The following ARID2 variants were observed in gnomAD, a reference collection of about 807,000 sequenced individuals.
ARID2 encodes the protein AT-rich interaction domain 2, also known as AT-rich interactive domain-containing protein 2.
ARID2 carries 32 observed loss-of-function variants against 184.6 expected under a neutral mutation model. The observed-to-expected ratio is 0.17, with a 90% CI of 0.13 to 0.23. The LOEUF (loss-of-function observed/expected upper bound fraction) is 0.23. Ranked by LOEUF, ARID2 falls within the 10% of genes least tolerant of loss-of-function variation. The probability of loss-of-function intolerance (pLI) is 1.00; values close to 1 mark genes in which losing one functional copy is unlikely to be tolerated. For missense variants in ARID2, 1,696 were observed against 2,197.6 expected, an observed-to-expected ratio of 0.77 and a Z score of 4.56; for synonymous variants, 836 against 772.6, an observed-to-expected ratio of 1.08 and a Z score of -1.36.
intron 3 of ARID2, among the ~76,000 whole-genome samples, chr12:45,806,723 A>G (rs1292117898): frequency 6.6e-6 from 1 of 152,050 alleles, no homozygotes; most frequent in Non-Finnish European, 1.5e-5. Context: ...TTTCCAAGCT[A>G]CTGTACTGGA....
At chr12:45,887,780 G>A (rs974367258) in intron 16 of ARID2, among the ~76,000 whole-genome samples, 2 of 152,132 alleles carry the variant, frequency 1.3e-5, no homozygotes, top group Non-Finnish European at 2.9e-5. Context: ...GCTCCACCCC[G>A]TCCTTCCAGT....
In ARID2 at chr12:45,860,835, T is replaced by C. The variant is rs934253891; in HGVS notation, c.4808T>C (p.Val1603Ala). The C allele has an allele frequency of 1.2e-6, 2 of 1,606,472 alleles. No individual in the cohort carries two copies. Among genetic ancestry groups the C allele is most frequent in the African/African-American group, 1.3e-5 (1 of 74,676 alleles). Residue 1603 changes from valine to alanine, a missense_variant, in exon 16 of 21, where the codon GTG (valine) becomes GCG (alanine). By Grantham distance (64) the Val-to-Ala change is moderately conservative. Coordinates refer to ENST00000334344, the MANE Select transcript of ARID2 (RefSeq NM_152641.4). ...ATGCCACCTTCACCAGCTGTACAAG[T>C]GCAGGGCCAGCCTAACAGTTCTCAG... Reference protein sequence around the residue: ...TPMPPSPAVQVQGQPNSSQPS... With the variant: ...TPMPPSPAVQAQGQPNSSQPS...
rs138359430 is a variant in ARID2 at position 45,880,996 on chromosome 12, T to C, written c.4923-10784T>C. The C allele has an allele frequency of 1.6e-3, 318 of 195,916 alleles. 1 individual carries two copies. Among genetic ancestry groups the C allele is most frequent in the Non-Finnish European group, 3.0e-3 (277 of 91,494 alleles). 12.1% of individuals were successfully genotyped at this position (195,916 alleles called of 1,614,324 possible). On this transcript the variant is annotated intron_variant, in intron 16 of 20. Transcript: ENST00000334344. ...AATATAAAAGATTTTGTTTGAGGCATTGGAGAAGCCAAAGCCTGCTCCTAG... is the reference window on the plus strand; with the variant it reads ...AATATAAAAGATTTTGTTTGAGGCACTGGAGAAGCCAAAGCCTGCTCCTAG...
At chr12:45,865,701 G>A (rs1943820607) in intron 16 of ARID2, among the ~76,000 whole-genome samples, 1 of 151,946 alleles carries the variant, frequency 6.6e-6, no homozygotes, top group Admixed American at 6.6e-5. Context: ...TCAGTAATCT[G>A]GTCTTAAGGA....
chr12:45,822,910 A>T (rs1267291801), intron 6 of ARID2, among the ~76,000 whole-genome samples: 2 of 152,226 alleles, frequency 1.3e-5, no homozygotes, highest in Non-Finnish European at 2.9e-5. Context: ...TGGACAGATC[A>T]TCTAGATAGA....
chr12:45,869,246 A>T (rs560850117), intron 16 of ARID2, among the ~76,000 whole-genome samples: 1 of 152,142 alleles, frequency 6.6e-6, no homozygotes, highest in African/African-American at 2.4e-5. Context: ...CGAACTCCTG[A>T]GCTCGTGATC....
At chr12:45,882,394 A>G (rs1944120750) in intron 16 of ARID2, 1 of 152,230 alleles carries the variant, frequency 6.6e-6, no homozygotes, top group African/African-American at 2.4e-5. Flanking sequence ...ATAGAAAATT[A>G]CTGAAAACAA....
At chr12:45,864,836 G>A (rs986785605) in intron 16 of ARID2, among the ~76,000 whole-genome samples, 8 of 152,020 alleles carry the variant, frequency 5.3e-5, no homozygotes, top group Non-Finnish European at 1.0e-4. Context: ...TGCCTTCTTT[G>A]AGGAATAGTT....
chr12:45,828,670 A>G (rs1943050480), intron 6 of ARID2, among the ~76,000 whole-genome samples: 2 of 151,984 alleles, frequency 1.3e-5, no homozygotes, highest in African/African-American at 4.8e-5. Flanking sequence ...GTGAGTGTGC[A>G]TTGTTACTGT....
intron 20 of ARID2, among the ~76,000 whole-genome samples, chr12:45,900,846 G>C (rs561354809): frequency 6.6e-6 from 1 of 152,128 alleles, no homozygotes; most frequent in Non-Finnish European, 1.5e-5. Context: ...TCTAGCACCA[G>C]CTTTGCTGTT....
chr12:45,761,734 T>C (rs1467452372), intron 3 of ARID2, among the ~76,000 whole-genome samples: 2 of 152,102 alleles, frequency 1.3e-5, no homozygotes, highest in African/African-American at 4.8e-5. Flanking sequence ...TCCTTAGCAC[T>C]TTAAGCCATT....
Position 45,837,535 on chromosome 12 carries a change from T to C in ARID2, c.1158T>C (p.Asp386=), listed in dbSNP as rs186735400. 1.2e-6 allele frequency: 2 copies of C among 1,614,084 alleles called. No homozygotes were observed. Among genetic ancestry groups the C allele is most frequent in the East Asian group, 4.5e-5 (2 of 44,858 alleles). ...EILGNLCKAE[D]NGVLICEYVD... is the part of the protein sequence containing the mutation. ...TGGGAAATCTTTGCAAAGCAGAAGA[T>C]AATGGTGTTTTAATTTGTGAATATG... The change falls in exon 10 of 21, where the codon GAT becomes GAC. Residue 386 remains aspartate, a synonymous_variant. Coordinates refer to ENST00000334344, the MANE Select transcript of ARID2 (RefSeq NM_152641.4).
intron 2 of ARID2, among the ~76,000 whole-genome samples, chr12:45,730,680 C>T (rs1057081017): frequency 1.3e-5 from 2 of 151,990 alleles, no homozygotes; most frequent in African/African-American, 4.8e-5. Flanking sequence ...TCGGTTTATA[C>T]AGCTAACAAA....
intron 3 of ARID2, among the ~76,000 whole-genome samples, chr12:45,751,787 TTG>T (rs749388438): frequency 6.6e-6 from 1 of 152,200 alleles, no homozygotes; most frequent in Non-Finnish European, 1.5e-5. Context: ...TGGTAAGTAT[TTG>T]TGTATCTAAA....
intron 16 of ARID2, chr12:45,880,911 G>A (rs1565636438): frequency 5.0e-6 from 1 of 198,338 alleles, no homozygotes; most frequent in East Asian, 1.2e-4. Context: ...AGTTTTGGCT[G>A]TTTGGGGGGA....
intron 11 of ARID2, chr12:45,840,267 TC>T (rs568238951): frequency 1.3e-5 from 2 of 152,176 alleles, no homozygotes; most frequent in Non-Finnish European, 2.9e-5. Context: ...ACTTAATCTT[TC>T]TTTATATTTT....
intron 12 of ARID2, 102 bp from the exon 13 acceptor site, chr12:45,848,734 A>G: frequency 1.0e-6 from 1 of 970,308 alleles, no homozygotes; most frequent in Non-Finnish European, 1.4e-6. Flanking sequence ...TAGTAGGTAT[A>G]ATTATTAGTT....
intron 3 of ARID2, among the ~76,000 whole-genome samples, chr12:45,737,353 C>T (rs938585709): frequency 2.0e-5 from 3 of 151,768 alleles, no homozygotes; most frequent in African/African-American, 7.3e-5. Flanking sequence ...CTTCCCTCTC[C>T]CCCCGCCCTT....
chr12:45,795,176 G>A (rs759268475), intron 3 of ARID2, among the ~76,000 whole-genome samples: 1 of 151,932 alleles, frequency 6.6e-6, no homozygotes, highest in Non-Finnish European at 1.5e-5. Context: ...TATTTAGTAT[G>A]GGAGTGTATT....
Sources: gnomAD v4.1 joint callset for allele counts (sites outside exome capture counted in the v4.1 genomes callset) on GRCh38, gnomAD v4.1.1 for gene constraint, MANE v1.5 for transcripts, NCBI Gene and HGNC (gene_info 2026-07-23, HGNC 2026-07-21) for gene names.